CFAP299: variants seen among roughly 807,000 people sequenced by gnomAD.
The protein encoded by CFAP299 is cilia and flagella associated protein 299.
In CFAP299, 21 loss-of-function variants were observed where a neutral mutation model predicts 27.0. The ratio of observed to expected loss-of-function variants is 0.78; its 90% confidence interval spans 0.55 to 1.12. The LOEUF (loss-of-function observed/expected upper bound fraction) is 1.12. CFAP299 is among the 50% of genes most tolerant of loss of function. The pLI, the probability that CFAP299 is intolerant of heterozygous loss-of-function variation, is 0.00. For synonymous variants in CFAP299, 104 were observed against 98.1 expected (o/e 1.06, Z -0.36); for missense variants, 310 against 276.6 (o/e 1.12, Z -0.86).
At chr4:80,455,930 G>C (rs535596604) in intron 2 of CFAP299, among the ~76,000 whole-genome samples, 1 of 151,842 alleles carries the variant, frequency 6.6e-6, no homozygotes, top group South Asian at 2.1e-4. Context: ...TTTTAGTTGG[G>C]GAAGGTAGAC....
chr4:80,859,571 G>A (rs1020364148), intron 3 of CFAP299, among the ~76,000 whole-genome samples: 1 of 151,936 alleles, frequency 6.6e-6, no homozygotes, highest in African/African-American at 2.4e-5. Flanking sequence ...TCCATGTTTA[G>A]CACTTCCTTC....
At chr4:80,854,133 A>G (rs1731689209) in intron 3 of CFAP299, among the ~76,000 whole-genome samples, 1 of 152,198 alleles carries the variant, frequency 6.6e-6, no homozygotes. Context: ...CCTTGAGAAT[A>G]CACAGTGTCA....
At chr4:80,387,343 G>T in intron 2 of CFAP299, 1 of 1,504,358 alleles carries the variant, frequency 6.6e-7, no homozygotes, top group Non-Finnish European at 9.3e-7. Context: ...CCACACATTT[G>T]TACACCTGCT....
intron 2 of CFAP299, among the ~76,000 whole-genome samples, chr4:80,516,017 C>CTTTTTTTTT (rs34249511): frequency 8.4e-6 from 1 of 119,538 alleles, no homozygotes; most frequent in African/African-American, 3.3e-5. Flanking sequence ...TTCTGCATTT[C>CTTTTTTTTT]TTTTTTTTTT....
At chr4:80,598,156 G>C (rs1737152249) in intron 3 of CFAP299, among the ~76,000 whole-genome samples, 1 of 152,156 alleles carries the variant, frequency 6.6e-6, no homozygotes, top group Non-Finnish European at 1.5e-5. Context: ...TATGAGATTA[G>C]ATGTTATGCT....
chr4:80,323,963 A>T, the CFAP299 span, among the ~76,000 whole-genome samples: 1 of 152,192 alleles, frequency 6.6e-6, no homozygotes, highest in South Asian at 2.1e-4. Flanking sequence ...TGTGTAAGAA[A>T]CTATACTCCT....
chr4:80,875,521 G>C (rs1733326550), intron 4 of CFAP299, among the ~76,000 whole-genome samples: 2 of 151,976 alleles, frequency 1.3e-5, no homozygotes, highest in South Asian at 4.1e-4. Flanking sequence ...AAAATTAGCT[G>C]GCCATGGTGG....
At chr4:80,476,543 G>T (rs1730280286) in intron 2 of CFAP299, among the ~76,000 whole-genome samples, 1 of 151,968 alleles carries the variant, frequency 6.6e-6, no homozygotes, top group South Asian at 2.1e-4. Flanking sequence ...TTTTCTGGAG[G>T]GCTATTTTGG....
chr4:80,758,656 A>G (rs368876062), intron 3 of CFAP299, among the ~76,000 whole-genome samples: 17 of 152,286 alleles, frequency 1.1e-4, no homozygotes, highest in African/African-American at 3.6e-4. Flanking sequence ...AATAAGAACC[A>G]TAGAGGATAA....
At chr4:80,845,705 C>T (rs374588310) in intron 3 of CFAP299, among the ~76,000 whole-genome samples, 2 of 152,100 alleles carry the variant, frequency 1.3e-5, no homozygotes, top group East Asian at 1.9e-4. Context: ...AGATTTCTTC[C>T]AATTAATCTC....
At chr4:80,449,989 C>T (rs1189554138) in intron 2 of CFAP299, among the ~76,000 whole-genome samples, 1 of 152,236 alleles carries the variant, frequency 6.6e-6, no homozygotes, top group East Asian at 1.9e-4. Flanking sequence ...CCAGTAATTT[C>T]TCTCTTCCTC....
At chr4:80,453,639 G>A (rs897362543) in intron 2 of CFAP299, among the ~76,000 whole-genome samples, 10 of 151,914 alleles carry the variant, frequency 6.6e-5, no homozygotes, top group Admixed American at 2.0e-4. Context: ...TCAGGAGTTC[G>A]AGACCAGCCT....
At chr4:80,426,746 T>C (rs1032330958) in intron 2 of CFAP299, among the ~76,000 whole-genome samples, 3 of 152,238 alleles carry the variant, frequency 2.0e-5, no homozygotes, top group African/African-American at 7.2e-5. Context: ...ATGCCTGAGT[T>C]AGATTCTTGG....
At chr4:80,788,689 GC>G (rs979986934) in intron 3 of CFAP299, among the ~76,000 whole-genome samples, 8 of 151,864 alleles carry the variant, frequency 5.3e-5, no homozygotes, top group Admixed American at 4.6e-4. Flanking sequence ...TCTTCTGTTT[GC>G]TGACCATTCT....
intron 2 of CFAP299, among the ~76,000 whole-genome samples, chr4:80,576,440 C>A (rs1368860214): frequency 6.6e-6 from 1 of 151,804 alleles, no homozygotes; most frequent in South Asian, 2.1e-4. Flanking sequence ...ATATTTAACT[C>A]TCAAATGAGT....
intron 3 of CFAP299, among the ~76,000 whole-genome samples, chr4:80,799,234 ATAT>A (rs1263292418): frequency 8.8e-6 from 1 of 113,604 alleles, no homozygotes; most frequent in Non-Finnish European, 1.7e-5. Context: ...TATTTATATA[ATAT>A]TTATATATAT....
chr4:80,781,691 G>A (rs1451161876), intron 3 of CFAP299, among the ~76,000 whole-genome samples: 1 of 152,030 alleles, frequency 6.6e-6, no homozygotes, highest in Non-Finnish European at 1.5e-5. Context: ...ATGACTCAAG[G>A]TTTAGTAAGT....
intron 2 of CFAP299, among the ~76,000 whole-genome samples, chr4:80,381,911 A>C (rs1042340446): frequency 6.6e-6 from 1 of 151,748 alleles, no homozygotes; most frequent in Non-Finnish European, 1.5e-5. Context: ...TCTTCCTTCT[A>C]TCTATCAGCT....
intron 3 of CFAP299, among the ~76,000 whole-genome samples, chr4:80,810,708 G>T (rs1729107102): frequency 6.6e-6 from 1 of 152,050 alleles, no homozygotes; most frequent in Non-Finnish European, 1.5e-5. Flanking sequence ...CAGACTACTG[G>T]CCTCAGGAAC....
Sources: allele counts gnomAD v4.1 joint callset (sites outside exome capture counted in the v4.1 genomes callset), GRCh38; gene constraint gnomAD v4.1.1; transcripts MANE v1.5; gene names NCBI Gene and HGNC (gene_info 2026-07-23, HGNC 2026-07-21).